Variants in SLC35A1 observed in about 807,000 individuals in gnomAD.
SLC35A1 encodes the protein solute carrier family 35 member A1, also known as CMP-sialic acid transporter.
Under a neutral mutation model 40.3 loss-of-function variants are expected in SLC35A1, and 21 were observed. The observed-to-expected ratio is 0.52, with a 90% CI of 0.37 to 0.75. SLC35A1 has a LOEUF of 0.75. Ranked by LOEUF, SLC35A1 falls within the 30% of genes least tolerant of loss-of-function variation. SLC35A1 has a pLI of 0.00. For synonymous variants in SLC35A1, 146 were observed against 147.3 expected, an observed-to-expected ratio of 0.99 and a Z score of 0.06; for missense variants, 297 against 382.1, an observed-to-expected ratio of 0.78 and a Z score of 1.86.
chr6:87,477,319 A>T, intron 1 of SLC35A1, 43 bp from the exon 2 acceptor site: 1 of 1,463,864 alleles, frequency 6.8e-7, no homozygotes, highest in East Asian at 2.3e-5. Context: ...ATATATACAT[A>T]TATTGTCTAC....
intron 1 of SLC35A1, among the ~76,000 whole-genome samples, chr6:87,474,439 C>G (rs1769012192): frequency 6.6e-6 from 1 of 152,144 alleles, no homozygotes; most frequent in South Asian, 2.1e-4. Flanking sequence ...TATATGGGAG[C>G]TAATAGAATT....
chr6:87,508,329 T>C (rs1770150551), intron 5 of SLC35A1, 91 bp from the exon 6 acceptor site: 1 of 853,176 alleles, frequency 1.2e-6, no homozygotes, highest in Admixed American at 2.4e-5. Flanking sequence ...ATCATATACT[T>C]TATATATCTC....
At chr6:87,511,324 T>C (rs1770263022) in intron 7 of SLC35A1, 75 bp from the exon 8 acceptor site, 2 of 1,523,388 alleles carry the variant, frequency 1.3e-6, no homozygotes, top group Non-Finnish European at 1.8e-6. Context: ...TTAAGAGTTT[T>C]CAAAATTTTA....
intron 2 of SLC35A1, among the ~76,000 whole-genome samples, chr6:87,484,274 C>A (rs533537411): frequency 6.6e-6 from 1 of 152,114 alleles, no homozygotes; most frequent in African/African-American, 2.4e-5. Flanking sequence ...AACCAGAGAC[C>A]GCCTCTGGAG....
chr6:87,495,898 G>A (rs532258551), intron 2 of SLC35A1, among the ~76,000 whole-genome samples: 1 of 151,974 alleles, frequency 6.6e-6, no homozygotes, highest in Non-Finnish European at 1.5e-5. Context: ...CTTGTGATCC[G>A]CCCACCTCAA....
intron 2 of SLC35A1, among the ~76,000 whole-genome samples, chr6:87,486,746 C>T (rs1769403133): frequency 6.6e-6 from 1 of 152,144 alleles, no homozygotes; most frequent in Non-Finnish European, 1.5e-5. Context: ...AGGCAGAGAA[C>T]TGCGTGTTTG....
chr6:87,483,163 G>GTC lies in SLC35A1; in HGVS notation c.194+5638_194+5639dup, dbSNP rs902232733. Among the ~76,000 whole-genome samples, 70 of 151,386 alleles carry GTC rather than the reference G, an allele frequency of 4.6e-4. 1 individual carries two copies. The highest frequency in any genetic ancestry group is 8.3e-4 in the Non-Finnish European group (56 of 67,756). On this transcript the variant is annotated intron_variant, in intron 2 of 7. Coordinates refer to ENST00000369552, the MANE Select transcript of SLC35A1 (RefSeq NM_006416.5). The stretch of plus-strand genomic sequence containing the variant: ...TACACTGTTTTTATTACTTCTCTCT[G>GTC]TCTCTCTCTCTCTCTTTCTCTCTCT...
chr6:87,480,062 A>C (rs911964815), intron 2 of SLC35A1, among the ~76,000 whole-genome samples: 1 of 152,238 alleles, frequency 6.6e-6, no homozygotes, highest in African/African-American at 2.4e-5. Context: ...CCATAATACC[A>C]CCATACATCC....
At chr6:87,493,588 A>C (rs976629528) in intron 2 of SLC35A1, among the ~76,000 whole-genome samples, 3 of 152,140 alleles carry the variant, frequency 2.0e-5, no homozygotes, top group African/African-American at 4.8e-5. Flanking sequence ...TCTAATGGTG[A>C]GGATTCTAGC....
chr6:87,493,611 C>G (rs1769625609), intron 2 of SLC35A1, among the ~76,000 whole-genome samples: 2 of 152,098 alleles, frequency 1.3e-5, no homozygotes, highest in South Asian at 4.2e-4. Flanking sequence ...CCATTATGCT[C>G]AAGATGTTTA....
chr6:87,497,893 A>ATTTTTT, intron 2 of SLC35A1, among the ~76,000 whole-genome samples: 1 of 125,610 alleles, frequency 8.0e-6, no homozygotes, highest in African/African-American at 3.0e-5. Flanking sequence ...CACTCCTGGC[A>ATTTTTT]GTTTTTTTTT....
chr6:87,486,994 TG>T (rs2127967377), intron 2 of SLC35A1, among the ~76,000 whole-genome samples: 1 of 152,094 alleles, frequency 6.6e-6, no homozygotes, highest in South Asian at 2.1e-4. Context: ...CTGGCCAACA[TG>T]GTAAAACCCC....
intron 2 of SLC35A1, among the ~76,000 whole-genome samples, chr6:87,498,860 T>C (rs1033618487): frequency 1.3e-5 from 2 of 152,206 alleles, no homozygotes; most frequent in African/African-American, 4.8e-5. Flanking sequence ...AGGCAAACAT[T>C]AGTTTAAAGA....
chr6:87,503,509 G>A (rs1031867817), intron 4 of SLC35A1, among the ~76,000 whole-genome samples: 5 of 152,060 alleles, frequency 3.3e-5, no homozygotes, highest in African/African-American at 7.2e-5. Flanking sequence ...TGAGGAGTTC[G>A]AGACCAGCCT....
chr6:87,499,350 A>G (rs1236605656), intron 2 of SLC35A1, among the ~76,000 whole-genome samples: 2 of 152,244 alleles, frequency 1.3e-5, no homozygotes, highest in Non-Finnish European at 1.5e-5. Flanking sequence ...CCAACAAAGT[A>G]TTATGGTTTT....
rs1770284121 is a variant in SLC35A1, at chr6:87,511,774, A to T, written c.*248A>T. 1 of 479,220 alleles carries T rather than the reference A, an allele frequency of 2.1e-6. No individual in the cohort carries two copies. Among genetic ancestry groups the T allele is most frequent in the African/African-American group, 2.0e-5 (1 of 50,936 alleles). The allele number at this position is 479,220 out of a possible 1,614,324, so 29.7% of individuals were successfully genotyped here. On this transcript the variant is annotated 3_prime_UTR_variant, in exon 8 of 8. Transcript: ENST00000369552. ...AGGAATTGTATTATTGTGTGTATAT[A>T]TAATTTGTAAATAAAAAGTATGGAG... is the stretch of plus-strand genomic sequence containing the variant.
intron 1 of SLC35A1, among the ~76,000 whole-genome samples, chr6:87,473,395 G>T (rs1768975538): frequency 6.6e-6 from 1 of 152,152 alleles, no homozygotes; most frequent in South Asian, 2.1e-4. Context: ...TCTTCACCCT[G>T]GCCCCGCGGC....
Position 87,509,141 on chromosome 6 carries a change from C to T in SLC35A1, c.852C>T (p.Thr284=), listed in dbSNP as rs774409457. Residue 284 remains threonine (T), a synonymous_variant, in exon 7 of 8, where the codon ACC becomes ACT. Coordinates refer to ENST00000369552, the MANE Select transcript of SLC35A1 (RefSeq NM_006416.5). ...CAGCAGCGGCCATTGTCCTTTCCAC[C>T]ATTGCTTCAGTAATGCTGTTTGGAT... ...FSAAAAIVLS[T]IASVMLFGLQ... 3 of 1,613,996 alleles carry T rather than the reference C, an allele frequency of 1.9e-6. No individual in the cohort carries two copies. The highest frequency in any genetic ancestry group is 1.3e-5 in the African/African-American group (1 of 74,918).
At position 87,500,564 on chromosome 6, in the gene SLC35A1, G is replaced by A; in HGVS notation, c.251G>A (p.Ser84Asn). Residue 84 changes from serine to asparagine, a missense_variant, in exon 3 of 8, where the codon AGC becomes AAC. Physicochemically the swap from Ser to Asn is conservative, Grantham distance 46. Coordinates refer to ENST00000369552, the MANE Select transcript of SLC35A1 (RefSeq NM_006416.5). The part of the protein sequence containing the change: ...KASLRENVLG[S>N]PKELLKLSVP... ...TCTTTAAGAGAAAATGTCTTGGGGAGCCCCAAGGAACTGTTGAAGTTAAGT... is the reference window on the plus strand; with the variant it reads ...TCTTTAAGAGAAAATGTCTTGGGGAACCCCAAGGAACTGTTGAAGTTAAGT... The A allele has an allele frequency of 6.2e-7, 1 of 1,613,912 alleles. No homozygotes were observed.
Sources: allele counts gnomAD v4.1 joint callset (sites outside exome capture counted in the v4.1 genomes callset), GRCh38; gene constraint gnomAD v4.1.1; transcripts MANE v1.5; gene names NCBI Gene and HGNC (gene_info 2026-07-23, HGNC 2026-07-21).